The following ANKRD27 variants were observed in gnomAD, a reference collection of about 807,000 sequenced individuals.
The protein encoded by ANKRD27 is ankyrin repeat domain 27.
ANKRD27 carries 112 observed loss-of-function variants against 129.7 expected under a neutral mutation model. The observed-to-expected ratio is 0.86, with a 90% CI of 0.74 to 1.01. ANKRD27 has a LOEUF of 1.01. Among genes scored for constraint, ANKRD27 ranks in the 50% least tolerant of loss-of-function variants. ANKRD27 has a pLI of 0.00. For missense variants in ANKRD27, 1,258 were observed against 1,300.5 expected (o/e 0.97, Z 0.50); for synonymous variants, 516 against 511.2 (o/e 1.01, Z -0.13).
At chr19:32,608,391 C>G in intron 22 of ANKRD27, 1 of 355,492 alleles carries the variant, frequency 2.8e-6, no homozygotes, top group Non-Finnish European at 5.7e-6. Context: ...CCCGCAAAGG[C>G]GACGAGATTC....
chr19:32,630,568 G>C (rs1209657807), intron 13 of ANKRD27, among the ~76,000 whole-genome samples: 1 of 152,244 alleles, frequency 6.6e-6, no homozygotes. Flanking sequence ...GCGAGGAACT[G>C]AGAAAGCAAG....
At chr19:32,607,373 T>C (rs1971759720) in intron 23 of ANKRD27, among the ~76,000 whole-genome samples, 1 of 150,734 alleles carries the variant, frequency 6.6e-6, no homozygotes, top group Non-Finnish European at 1.5e-5. Context: ...CAGATCCTGC[T>C]GGGGGCAAGA....
Position 32,639,480 on chromosome 19 carries a change from T to C in ANKRD27, c.992A>G (p.Asn331Ser), listed in dbSNP as rs1967154324. Residue 331 changes from asparagine (N) to serine (S), a missense_variant, in exon 12 of 29, where the codon AAT becomes AGT. Coordinates refer to ENST00000306065, the MANE Select transcript of ANKRD27 (RefSeq NM_032139.3). ...VKTEIPNWMA[N>S]LSYIKNFRFS... is the part of the protein sequence containing the mutation. ...CCTGAAGTTTTTGATGTAACTCAAA[T>C]TTGCCATCCTAATGAAAGGAAGAAA... The C allele has an allele frequency of 6.2e-7, 1 of 1,612,700 alleles. No homozygotes were observed. Among genetic ancestry groups the C allele is most frequent in the African/African-American group, 1.3e-5 (1 of 74,984 alleles).
intron 22 of ANKRD27, chr19:32,608,516 A>G (rs1971785168): frequency 4.5e-6 from 1 of 224,400 alleles, no homozygotes. Context: ...TTAAAAAAAA[A>G]AACTGTATGC....
intron 17 of ANKRD27, 110 bp downstream of exon 17, chr19:32,625,764 C>A: frequency 1.0e-6 from 1 of 959,340 alleles, no homozygotes; most frequent in Non-Finnish European, 1.5e-6. Context: ...AATTTACACA[C>A]CCAATGTTCC....
At chr19:32,645,150 A>G (rs1315947341) in intron 4 of ANKRD27, among the ~76,000 whole-genome samples, 1 of 152,220 alleles carries the variant, frequency 6.6e-6, no homozygotes, top group Non-Finnish European at 1.5e-5. Context: ...GCAGCGGCTC[A>G]TGCCTGTAAT....
chr19:32,625,384 G>C (rs1972073113), intron 17 of ANKRD27, among the ~76,000 whole-genome samples: 1 of 151,674 alleles, frequency 6.6e-6, no homozygotes, highest in African/African-American at 2.4e-5. Flanking sequence ...TGAGTGACTT[G>C]TTTTAAACTT....
chr19:32,643,463 C>T lies in ANKRD27; in HGVS notation c.607G>A (p.Ala203Thr), dbSNP rs761427536. 5.6e-6 allele frequency: 9 copies of T among 1,613,800 alleles called. No homozygotes were observed. Among genetic ancestry groups the T allele is most frequent in the Non-Finnish European group, 6.8e-6 (8 of 1,179,994 alleles). Residue 203 changes from alanine (A) to threonine (T), a missense_variant, in exon 7 of 29, where the codon GCC becomes ACC. Coordinates refer to ENST00000306065, the MANE Select transcript of ANKRD27 (RefSeq NM_032139.3). ...SHLKMLAKQEAQMNLMKQAVE... is the reference protein window; with the variant it reads ...SHLKMLAKQETQMNLMKQAVE... ...GCCTGCTTCATCAGGTTCATCTGGG[C>T]CTCCTGCTTGGCGAGCATTTTCTAG...
chr19:32,674,590 G>A (rs980887024), intron 1 of ANKRD27, among the ~76,000 whole-genome samples: 2 of 152,156 alleles, frequency 1.3e-5, no homozygotes, highest in Non-Finnish European at 1.5e-5. Context: ...CCCTGCGAGA[G>A]GCCGGCAGCC....
At chr19:32,672,228 A>G (rs1440471680) in intron 1 of ANKRD27, among the ~76,000 whole-genome samples, 1 of 152,252 alleles carries the variant, frequency 6.6e-6, no homozygotes, top group Non-Finnish European at 1.5e-5. Flanking sequence ...CTAATTTATG[A>G]TTCAGAAGGA....
At chr19:32,647,199 G>A (rs1409563073) in intron 3 of ANKRD27, among the ~76,000 whole-genome samples, 2 of 152,168 alleles carry the variant, frequency 1.3e-5, no homozygotes, top group Non-Finnish European at 2.9e-5. Context: ...TGCCTTTCAC[G>A]ACATTGACAT....
chr19:32,660,671 G>C (rs1030146712), intron 1 of ANKRD27, among the ~76,000 whole-genome samples: 3 of 152,162 alleles, frequency 2.0e-5, no homozygotes, highest in African/African-American at 7.2e-5. Flanking sequence ...CCAGAACTGT[G>C]AGAAACACAT....
Position 32,645,281 on chromosome 19 carries a change from G to A in ANKRD27, c.371-802C>T, listed in dbSNP as rs142094096. On this transcript the variant is annotated intron_variant, in intron 4 of 28. Transcript: ENST00000306065. ...AAAAAAATTAGCTGGGTGTGGTGGC[G>A]GGCGCCTGTAATCCCCGCTACTCAG... Among the ~76,000 whole-genome samples, 2,582 of 151,898 alleles carry A rather than the reference G, an allele frequency of 0.017. 126 individuals carry two copies. The East Asian group carries it at 0.21, about 12-fold the overall frequency.
chr19:32,604,696 G>A (rs889204140), intron 24 of ANKRD27, among the ~76,000 whole-genome samples: 2 of 152,160 alleles, frequency 1.3e-5, no homozygotes, highest in Admixed American at 1.3e-4. Context: ...TATATCCATA[G>A]TTATGCAACC....
Position 32,606,651 on chromosome 19 carries a change from T to C in ANKRD27, c.2374-697A>G, listed in dbSNP as rs188964900. Reference sequence around the variant, plus strand: ...CTTTCTACCTCAGGGAGAGCTGCAATCGCCACTCCGAATTTACAGATTAGG... The same window carrying C: ...CTTTCTACCTCAGGGAGAGCTGCAACCGCCACTCCGAATTTACAGATTAGG... On this transcript the variant is annotated intron_variant, in intron 23 of 28. Transcript: ENST00000306065. 2.6e-5 allele frequency among the ~76,000 whole-genome samples: 4 copies of C among 152,290 alleles called. No individual in the cohort carries two copies. In the East Asian group the frequency reaches 7.7e-4, roughly 29 times the overall value.
At position 32,607,724 on chromosome 19, in the gene ANKRD27, G is replaced by A; in HGVS notation, c.2284C>T (p.Leu762Phe). Residue 762 changes from leucine (L) to phenylalanine (F), a missense_variant, in exon 23 of 29, where the codon CTC becomes TTC. By Grantham distance (22) the Leu-to-Phe change is conservative (BLOSUM62 0). Coordinates refer to ENST00000306065, the MANE Select transcript of ANKRD27 (RefSeq NM_032139.3). ...GCGTTGGCCCCGTGCTTCAGCAGGA[G>A]GGGGATGAGGTCCGCCCGGCCGTGC... is the stretch of plus-strand genomic sequence containing the variant. ...ALHGRADLIPLLLKHGANAGA... is the reference protein window; with the variant it reads ...ALHGRADLIPFLLKHGANAGA... 1 of 1,613,242 alleles carries A rather than the reference G, an allele frequency of 6.2e-7. No individual in the cohort carries two copies. The highest frequency in any genetic ancestry group is 1.1e-5 in the South Asian group (1 of 90,990).
At chr19:32,642,236 C>G in intron 9 of ANKRD27, 91 bp from the exon 10 acceptor site, 1 of 1,273,732 alleles carries the variant, frequency 7.9e-7, no homozygotes, top group Non-Finnish European at 1.0e-6. Flanking sequence ...ATCTACACTT[C>G]TCACAACAAA....
At chr19:32,639,527 C>G (rs1181038414) in intron 11 of ANKRD27, 39 bp from the exon 12 acceptor site, 1 of 1,595,374 alleles carries the variant, frequency 6.3e-7, no homozygotes, top group South Asian at 1.1e-5. Flanking sequence ...GTTGTCTATC[C>G]AAGTCACACT....
At chr19:32,648,604 T>C (rs948941448) in intron 3 of ANKRD27, among the ~76,000 whole-genome samples, 8 of 151,976 alleles carry the variant, frequency 5.3e-5, no homozygotes, top group African/African-American at 1.9e-4. Context: ...ATCGAGACCA[T>C]ACTGGCTAAC....
Sources: gnomAD v4.1 joint callset for allele counts (sites outside exome capture counted in the v4.1 genomes callset) on GRCh38, gnomAD v4.1.1 for gene constraint, MANE v1.5 for transcripts, NCBI Gene and HGNC (gene_info 2026-07-23, HGNC 2026-07-21) for gene names.